Variants in NEURL1 observed in about 807,000 individuals in gnomAD.
The protein encoded by NEURL1 is neuralized E3 ubiquitin protein ligase 1, also known as E3 ubiquitin-protein ligase NEURL1.
A neutral mutation model predicts 41.2 loss-of-function variants in NEURL1; 26 were observed. The observed-to-expected ratio is 0.63, with a 90% CI of 0.46 to 0.87. The LOEUF (loss-of-function observed/expected upper bound fraction) is 0.87. NEURL1 is among the 40% of genes least tolerant of loss of function. NEURL1 has a pLI of 0.00. For synonymous variants in NEURL1, 400 were observed against 402.3 expected (o/e 0.99, Z 0.07); for missense variants, 761 against 871.1 (o/e 0.87, Z 1.59).
At chr10:103,529,950 A>G (rs2034534797) in intron 1 of NEURL1, among the ~76,000 whole-genome samples, 1 of 152,226 alleles carries the variant, frequency 6.6e-6, no homozygotes, top group Non-Finnish European at 1.5e-5. Context: ...GAGTCCACAG[A>G]GTAAAGTGAA....
At chr10:103,526,401 CA>C (rs1185043043) in intron 1 of NEURL1, among the ~76,000 whole-genome samples, 1 of 152,104 alleles carries the variant, frequency 6.6e-6, no homozygotes, top group Non-Finnish European at 1.5e-5. Flanking sequence ...ATTATAGATT[CA>C]ATATTGTTAC....
At chr10:103,498,428 G>A (rs951494916) in intron 1 of NEURL1, among the ~76,000 whole-genome samples, 12 of 151,924 alleles carry the variant, frequency 7.9e-5, no homozygotes, top group East Asian at 1.9e-4. Context: ...GAGTTTCACC[G>A]TGTTAGCCAG....
intron 4 of NEURL1, among the ~76,000 whole-genome samples, chr10:103,589,129 G>C (rs912873950): frequency 6.6e-6 from 1 of 152,148 alleles, no homozygotes; most frequent in South Asian, 2.1e-4. Flanking sequence ...GTGAGGTTGC[G>C]GGGCAGGGGA....
intron 3 of NEURL1, among the ~76,000 whole-genome samples, chr10:103,578,225 C>A (rs148173575): frequency 2.0e-5 from 3 of 152,144 alleles, no homozygotes; most frequent in African/African-American, 7.2e-5. Context: ...TGTGGAAAGG[C>A]ATTTACACAA....
chr10:103,529,947 C>T (rs1319807453), intron 1 of NEURL1, among the ~76,000 whole-genome samples: 1 of 152,098 alleles, frequency 6.6e-6, no homozygotes. Flanking sequence ...GGTGAGTCCA[C>T]AGAGTAAAGT....
chr10:103,494,098 G>A lies in NEURL1; in HGVS notation c.-290G>A, dbSNP rs2033619966. The A allele has an allele frequency of 3.3e-6, 1 of 300,582 alleles. No individual in the cohort carries two copies. The highest frequency in any genetic ancestry group is 6.1e-6 in the Non-Finnish European group (1 of 163,700). The allele number at this position is 300,582 out of a possible 1,614,324, so 18.6% of individuals were successfully genotyped here. A position where few individuals can be genotyped will look rare whatever the true frequency, so the allele number is the denominator to read the frequency against. On this transcript the variant is annotated 5_prime_UTR_variant, in exon 1 of 6. Transcript: ENST00000369780. ...GGGGAGCAAGCGGGGAGCCCCGGGC[G>A]TCCCCGGCCCCGGCCCAGGGCCCTG...
chr10:103,509,551 G>A (rs1231422668), intron 1 of NEURL1, among the ~76,000 whole-genome samples: 1 of 152,172 alleles, frequency 6.6e-6, no homozygotes, highest in Non-Finnish European at 1.5e-5. Flanking sequence ...TCATGGCTAC[G>A]ACATCACTGG....
chr10:103,494,198 G>A lies in NEURL1; in HGVS notation c.-190G>A. ...CTGCGCCAGGACACCCGTGGCGGGCGGAACCCGCCAAGGACCGCGAAGTCC... is the reference window on the plus strand; with the variant it reads ...CTGCGCCAGGACACCCGTGGCGGGCAGAACCCGCCAAGGACCGCGAAGTCC... On this transcript the variant is annotated 5_prime_UTR_variant, in exon 1 of 6. Coordinates refer to ENST00000369780, the MANE Select transcript of NEURL1 (RefSeq NM_004210.5). 2.0e-6 allele frequency: 1 copy of A among 508,292 alleles called. No homozygotes were observed. The highest frequency in any genetic ancestry group is 2.7e-5 in the South Asian group (1 of 37,494). 31.5% of individuals were successfully genotyped at this position (508,292 alleles called of 1,614,324 possible).
At chr10:103,585,500 A>G (rs1592243978) in intron 4 of NEURL1, among the ~76,000 whole-genome samples, 1 of 152,206 alleles carries the variant, frequency 6.6e-6, no homozygotes, top group South Asian at 2.1e-4. Context: ...TCACAGATAC[A>G]TAAACAGTCC....
chr10:103,555,549 T>G, intron 1 of NEURL1: 1 of 635,168 alleles, frequency 1.6e-6, no homozygotes. Context: ...TGGGGCTGTG[T>G]GGGGGCACCT....
chr10:103,494,136 G>T lies in NEURL1; in HGVS notation c.-252G>T. ...GCCCAGGGCCCTGCTTGTGGCCCCC[G>T]CTCCCGCCACGGGGCATGGGAGGCA... On this transcript the variant is annotated 5_prime_UTR_variant, in exon 1 of 6. Transcript: ENST00000369780. 2.5e-6 allele frequency: 1 copy of T among 408,086 alleles called. No homozygotes were observed. The allele number at this position is 408,086 out of a possible 1,614,324, so 25.3% of individuals were successfully genotyped here.
intron 2 of NEURL1, 132 bp from the exon 3 acceptor site, chr10:103,571,369 T>G: frequency 9.3e-7 from 1 of 1,073,052 alleles, no homozygotes; most frequent in South Asian, 1.7e-5. Flanking sequence ...GGAGGGCTCC[T>G]GGGAGGGAAC....
chr10:103,589,128 C>T (rs1386867074), intron 4 of NEURL1, among the ~76,000 whole-genome samples: 2 of 151,928 alleles, frequency 1.3e-5, no homozygotes, highest in South Asian at 2.1e-4. Flanking sequence ...GGTGAGGTTG[C>T]GGGGCAGGGG....
rs537073554 is a variant in NEURL1, at chr10:103,572,242, C to T, written c.649+420C>T. On this transcript the variant is annotated intron_variant, in intron 3 of 5. Coordinates refer to ENST00000369780, the MANE Select transcript of NEURL1 (RefSeq NM_004210.5). ...GGGAGACCCCTTCATTGGGCAGAAA[C>T]TCAAGTCCAGGGAGATTACATCATG... Among the ~76,000 whole-genome samples, 21 of 152,338 alleles carry T rather than the reference C, an allele frequency of 1.4e-4. No homozygotes were observed. The South Asian group carries it at 4.1e-3, about 30-fold the overall frequency.
chr10:103,506,470 T>A (rs548839726), intron 1 of NEURL1, among the ~76,000 whole-genome samples: 2 of 152,086 alleles, frequency 1.3e-5, no homozygotes, highest in Non-Finnish European at 2.9e-5. Flanking sequence ...CCTGACATAC[T>A]CAGGGCCCTG....
At chr10:103,527,300 G>GT (rs201722753) in intron 1 of NEURL1, among the ~76,000 whole-genome samples, 64,038 of 137,984 alleles carry the variant, frequency 0.46, 15,352 homozygotes, top group African/African-American at 0.57. Flanking sequence ...TTTTTTTTTG[G>GT]TTTTTTTTTT....
chr10:103,496,829 G>C (rs1308743338), intron 1 of NEURL1, among the ~76,000 whole-genome samples: 1 of 152,150 alleles, frequency 6.6e-6, no homozygotes, highest in Non-Finnish European at 1.5e-5. Flanking sequence ...CTATCTTCCT[G>C]AGAAGGTCTT....
chr10:103,588,717 T>A (rs1165321646), intron 4 of NEURL1: 1 of 430,232 alleles, frequency 2.3e-6, no homozygotes, highest in Admixed American at 2.5e-5. Flanking sequence ...GAGCCGAGGC[T>A]GGCAGATCAC....
At chr10:103,509,458 C>A (rs552620303) in intron 1 of NEURL1, among the ~76,000 whole-genome samples, 1 of 152,246 alleles carries the variant, frequency 6.6e-6, no homozygotes, top group South Asian at 2.1e-4. Context: ...GTGCTAGATA[C>A]CGCAGGCAGT....
Sources: gnomAD v4.1 joint callset for allele counts (sites outside exome capture counted in the v4.1 genomes callset) on GRCh38, gnomAD v4.1.1 for gene constraint, MANE v1.5 for transcripts, NCBI Gene and HGNC (gene_info 2026-07-23, HGNC 2026-07-21) for gene names.